SPAG9: variants seen among roughly 807,000 people sequenced by gnomAD.
The protein encoded by SPAG9 is C-Jun-amino-terminal kinase-interacting protein 4.
In SPAG9, 35 loss-of-function variants were observed where a neutral mutation model predicts 166.5. The observed-to-expected ratio is 0.21, with a 90% CI of 0.16 to 0.28. The LOEUF (loss-of-function observed/expected upper bound fraction) is 0.28, where lower values mean the gene tolerates loss of function less well. Among genes scored for constraint, SPAG9 ranks in the 10% least tolerant of loss-of-function variants. The pLI, the probability that SPAG9 is intolerant of heterozygous loss-of-function variation, is 1.00. For missense variants in SPAG9, 1,235 were observed against 1,603.3 expected (o/e 0.77, Z 3.92); for synonymous variants, 534 against 565.5 (o/e 0.94, Z 0.79).
At chr17:51,108,195 T>C (rs1013903618) in intron 1 of SPAG9, among the ~76,000 whole-genome samples, 1 of 151,638 alleles carries the variant, frequency 6.6e-6, no homozygotes, top group Non-Finnish European at 1.5e-5. Context: ...AAGACCAGCA[T>C]GGTCAACATG....
chr17:51,120,734 C>T lies in SPAG9; in HGVS notation c.-78G>A. 2 of 1,339,120 alleles carry T rather than the reference C, an allele frequency of 1.5e-6. No individual in the cohort carries two copies. The highest frequency in any genetic ancestry group is 5.1e-4 in the Middle Eastern group (2 of 3,908). 83.0% of individuals were successfully genotyped at this position (1,339,120 alleles called of 1,614,324 possible). A position where few individuals can be genotyped will look rare whatever the true frequency, so the allele number is the denominator to read the frequency against. ...ACCTGCCCGCACGGGACGGACCCGA[C>T]TCGGGCTGGGACGGGTACTAGGGCT... is the stretch of plus-strand genomic sequence containing the variant. On this transcript the variant is annotated 5_prime_UTR_variant, in exon 1 of 30. Coordinates refer to ENST00000262013, the MANE Select transcript of SPAG9 (RefSeq NM_001130528.3). This position sits in a 1 kb window ranked among gnomAD's most constrained non-coding sequence, Gnocchi z 4.7.
intron 25 of SPAG9, among the ~76,000 whole-genome samples, chr17:50,981,729 A>C (rs1238128611): frequency 3.3e-5 from 5 of 151,668 alleles, no homozygotes; most frequent in Admixed American, 3.3e-4. Flanking sequence ...AAAAAAAAAA[A>C]AACCGTAAGA....
At chr17:50,979,353 C>G (rs1974421838) in intron 26 of SPAG9, among the ~76,000 whole-genome samples, 1 of 127,888 alleles carries the variant, frequency 7.8e-6, no homozygotes, top group Non-Finnish European at 1.6e-5. Context: ...GCCTAGGTGA[C>G]AGAGTGAGAC....
In SPAG9 at chr17:51,014,448, T is replaced by C. The variant is rs538556010; in HGVS notation, c.1092-95A>G. On this transcript the variant is annotated intron_variant, in intron 8 of 29. Transcript: ENST00000262013. ...CAATAGGCTAAGCTACATAGGACTTTCTTACCTATAATTTACGTTTACTAG... is the reference window on the plus strand; with the variant it reads ...CAATAGGCTAAGCTACATAGGACTTCCTTACCTATAATTTACGTTTACTAG... 2.0e-5 allele frequency: 20 copies of C among 1,004,358 alleles called. No individual in the cohort carries two copies. The South Asian group carries it at 5.9e-4, about 30-fold the overall frequency. The allele number at this position is 1,004,358 out of a possible 1,614,324, so 62.2% of individuals were successfully genotyped here. A position where few individuals can be genotyped will look rare whatever the true frequency, so the allele number is the denominator to read the frequency against.
intron 1 of SPAG9, among the ~76,000 whole-genome samples, chr17:51,099,120 G>C (rs950949252): frequency 1.5e-5 from 2 of 132,486 alleles, no homozygotes; most frequent in Non-Finnish European, 3.2e-5. Context: ...AAAAAAAAAA[G>C]AATATGATGT....
At chr17:50,989,058 A>C (rs887882501) in intron 21 of SPAG9, among the ~76,000 whole-genome samples, 5 of 152,198 alleles carry the variant, frequency 3.3e-5, no homozygotes, top group African/African-American at 1.2e-4. Flanking sequence ...AAAGAAAAAA[A>C]AACAGATCAG....
At chr17:51,058,395 A>T (rs1196621095) in intron 2 of SPAG9, among the ~76,000 whole-genome samples, 2 of 152,252 alleles carry the variant, frequency 1.3e-5, no homozygotes, top group Non-Finnish European at 2.9e-5. Flanking sequence ...AGAGATGAGG[A>T]AACTGAAGCA....
At chr17:51,117,434 C>T (rs868407589) in intron 1 of SPAG9, among the ~76,000 whole-genome samples, 1 of 152,030 alleles carries the variant, frequency 6.6e-6, no homozygotes, top group African/African-American at 2.4e-5. Flanking sequence ...ACAAACAGGC[C>T]GGCACGGTGG....
rs117626942 is a variant in SPAG9 at position 50,981,230 on chromosome 17, T to A, written c.3237+1294A>T. On this transcript the variant is annotated intron_variant, in intron 25 of 29. Coordinates refer to ENST00000262013, the MANE Select transcript of SPAG9 (RefSeq NM_001130528.3). ...TCATATTTTTCACTGTTATAAAGTA[T>A]ACAGGAAACATAAATAAATTTTATG... Among the ~76,000 whole-genome samples the A allele has an allele frequency of 5.5e-3, 835 of 152,270 alleles. 39 individuals carry two copies. In the East Asian group the frequency reaches 0.092, roughly 17 times the overall value.
Position 51,013,927 on chromosome 17 carries a change from CA to C in SPAG9, c.1213+304del, listed in dbSNP as rs201644527. On this transcript the variant is annotated intron_variant, in intron 9 of 29. Coordinates refer to ENST00000262013, the MANE Select transcript of SPAG9 (RefSeq NM_001130528.3). Reference sequence around the variant, plus strand: ...ACACACACACACACACATACACACACACACATCACCATGTTCTTATGTGTAG... The same window carrying C: ...ACACACACACACACACATACACACACCACATCACCATGTTCTTATGTGTAG... Among the ~76,000 whole-genome samples, 1,130 of 151,692 alleles carry C rather than the reference CA, an allele frequency of 7.4e-3. 12 individuals carry two copies. The highest frequency in any genetic ancestry group is 0.024 in the African/African-American group (983 of 41,060).
At chr17:51,080,865 C>A (rs149559287) in intron 1 of SPAG9, among the ~76,000 whole-genome samples, 173 of 122,746 alleles carry the variant, frequency 1.4e-3, no homozygotes, top group African/African-American at 5.7e-3. Flanking sequence ...CCAGCCTGGG[C>A]TACAGAGCAA....
intron 14 of SPAG9, 69 bp downstream of exon 14, chr17:50,999,592 G>A: frequency 6.7e-7 from 1 of 1,493,622 alleles, no homozygotes; most frequent in Non-Finnish European, 9.1e-7. Flanking sequence ...AATCATTCTT[G>A]GAAATAAATT....
rs1004800068 is a variant in SPAG9, at chr17:50,996,551, C to T, written c.1968+14G>A. ...TCTTTCCTGCTGGATGCTCTTACCA[C>T]ATGTGCATATTACCTGTTTGTACTT... On this transcript the variant is annotated intron_variant, in intron 16 of 29. Transcript: ENST00000262013. 6.2e-7 allele frequency: 1 copy of T among 1,614,016 alleles called. No individual in the cohort carries two copies. The highest frequency in any genetic ancestry group is 8.5e-7 in the Non-Finnish European group (1 of 1,179,944).
chr17:50,999,440 C>T (rs747313338), intron 14 of SPAG9: 25 of 1,467,334 alleles, frequency 1.7e-5, no homozygotes, highest in African/African-American at 2.9e-5. Flanking sequence ...ATGCAGCTTA[C>T]GATATCATAT....
intron 2 of SPAG9, among the ~76,000 whole-genome samples, chr17:51,073,546 C>T (rs971531738): frequency 1.3e-5 from 2 of 151,138 alleles, no homozygotes; most frequent in African/African-American, 4.9e-5. Flanking sequence ...ATTCATATTG[C>T]AGATTTAAAA....
At chr17:51,089,663 T>TACACACACAC (rs71149342) in intron 1 of SPAG9, among the ~76,000 whole-genome samples, 5 of 78,310 alleles carry the variant, frequency 6.4e-5, no homozygotes, top group African/African-American at 2.2e-4. Flanking sequence ...TATATATATA[T>TACACACACAC]ACACATACAC....
intron 1 of SPAG9, among the ~76,000 whole-genome samples, chr17:51,085,763 T>C (rs1429650814): frequency 6.6e-6 from 1 of 152,168 alleles, no homozygotes; most frequent in East Asian, 1.9e-4. Context: ...CTTAAACTTC[T>C]TGGAATCATA....
intron 13 of SPAG9, 97 bp downstream of exon 13, chr17:51,001,618 C>T (rs993158782): frequency 1.4e-5 from 17 of 1,190,994 alleles, no homozygotes; most frequent in African/African-American, 1.4e-4. Flanking sequence ...GAGAAAGGGG[C>T]TTGGATCTTA....
intron 28 of SPAG9, among the ~76,000 whole-genome samples, chr17:50,971,405 CA>C (rs1437163428): frequency 1.3e-5 from 2 of 150,736 alleles, no homozygotes; most frequent in Non-Finnish European, 2.9e-5. Flanking sequence ...GCCCCAAATC[CA>C]ATATGAGATA....
Sources: gnomAD v4.1 joint callset for allele counts (sites outside exome capture counted in the v4.1 genomes callset) on GRCh38, gnomAD v4.1.1 for gene constraint, Gnocchi (gnomAD v3.1) non-coding constraint, MANE v1.5 for transcripts, NCBI Gene and HGNC (gene_info 2026-07-23, HGNC 2026-07-21) for gene names.